Variants in ABLIM3 observed in about 807,000 individuals in gnomAD.
The protein encoded by ABLIM3 is actin binding LIM protein family member 3.
Under a neutral mutation model 109.5 loss-of-function variants are expected in ABLIM3, and 61 were observed. The ratio of observed to expected loss-of-function variants is 0.56; its 90% CI spans 0.45 to 0.69. The LOEUF is 0.69. ABLIM3 is among the 30% of genes least tolerant of loss of function. The pLI, the probability that ABLIM3 is intolerant of heterozygous loss-of-function variation, is 0.00. For missense variants in ABLIM3, 796 were observed against 889.5 expected, an observed-to-expected ratio of 0.89 and a Z score of 1.34; for synonymous variants, 300 against 324.8, an observed-to-expected ratio of 0.92 and a Z score of 0.82.
intron 9 of ABLIM3, 137 bp from the exon 10 acceptor site, chr5:149,233,092 A>T (rs1762016777): frequency 1.3e-6 from 1 of 757,788 alleles, no homozygotes; most frequent in Non-Finnish European, 2.2e-6. Flanking sequence ...AAGACAGAGA[A>T]TAAAAAGGAA....
At chr5:149,157,354 C>T (rs1443272347) in intron 2 of ABLIM3, among the ~76,000 whole-genome samples, 1 of 152,040 alleles carries the variant, frequency 6.6e-6, no homozygotes, top group East Asian at 1.9e-4. Context: ...CCTTTGCTCC[C>T]GATTCACATT....
Position 149,259,121 on chromosome 5 carries a change from C to T in ABLIM3, c.*717C>T. 2 of 1,017,106 alleles carry T rather than the reference C, an allele frequency of 2.0e-6. No individual in the cohort carries two copies. Among genetic ancestry groups the T allele is most frequent in the Non-Finnish European group, 1.2e-6 (1 of 849,544 alleles). 63.0% of individuals were successfully genotyped at this position (1,017,106 alleles called of 1,614,324 possible). On this transcript the variant is annotated 3_prime_UTR_variant, in exon 24 of 24. Transcript: ENST00000309868. ...TTCCCTCCACCACTTCCAACTGGCC[C>T]CTTTGCCTGACCTGGACTTGGAGAA...
intron 1 of ABLIM3, 170 bp downstream of exon 1, chr5:149,141,824 T>C (rs925786068): frequency 7.5e-6 from 4 of 530,678 alleles, no homozygotes; most frequent in African/African-American, 1.9e-5. Context: ...GGGATTCCAA[T>C]CTGAGGAGCA....
At chr5:149,178,477 C>T (rs1282319026) in intron 2 of ABLIM3, among the ~76,000 whole-genome samples, 2 of 152,166 alleles carry the variant, frequency 1.3e-5, no homozygotes, top group Non-Finnish European at 2.9e-5. Flanking sequence ...ACAGTTGTTA[C>T]GCTGTCTCCA....
At chr5:149,168,208 A>G (rs1428299779) in intron 2 of ABLIM3, among the ~76,000 whole-genome samples, 1 of 152,214 alleles carries the variant, frequency 6.6e-6, no homozygotes, top group African/African-American at 2.4e-5. Context: ...GTGGTAGCCC[A>G]GGTGAAAGAT....
intron 23 of ABLIM3, among the ~76,000 whole-genome samples, chr5:149,254,019 C>T (rs1049271343): frequency 3.3e-5 from 5 of 152,052 alleles, no homozygotes; most frequent in Non-Finnish European, 5.9e-5. Context: ...TACAGGGGAA[C>T]GCCCTTTATA....
chr5:149,237,677 T>A, intron 11 of ABLIM3, 74 bp downstream of exon 11: 1 of 1,577,674 alleles, frequency 6.3e-7, no homozygotes, highest in Non-Finnish European at 8.6e-7. Context: ...GCCCTCTCCA[T>A]CACAGACAGT....
intron 5 of ABLIM3, among the ~76,000 whole-genome samples, chr5:149,204,761 A>T (rs1272096196): frequency 2.0e-5 from 3 of 152,262 alleles, no homozygotes; most frequent in African/African-American, 7.2e-5. Flanking sequence ...GTCTGGGCTT[A>T]GAGAGCATAC....
At chr5:149,192,315 A>T (rs1299946136) in intron 3 of ABLIM3, among the ~76,000 whole-genome samples, 1 of 151,152 alleles carries the variant, frequency 6.6e-6, no homozygotes, top group Non-Finnish European at 1.5e-5. Flanking sequence ...TTAGTCTATA[A>T]TAAGGAGAAA....
At chr5:149,209,208 TA>T (rs1279828568) in intron 6 of ABLIM3, among the ~76,000 whole-genome samples, 5 of 152,200 alleles carry the variant, frequency 3.3e-5, no homozygotes. Flanking sequence ...CAGAGTTCTC[TA>T]GGGACTTAAG....
intron 5 of ABLIM3, among the ~76,000 whole-genome samples, chr5:149,202,469 C>T (rs545887819): frequency 2.0e-5 from 3 of 152,252 alleles, no homozygotes; most frequent in African/African-American, 7.2e-5. Flanking sequence ...CAAAGGTGGT[C>T]ACTATTCATG....
At chr5:149,155,581 C>A (rs1182967798) in intron 2 of ABLIM3, among the ~76,000 whole-genome samples, 1 of 152,104 alleles carries the variant, frequency 6.6e-6, no homozygotes, top group Non-Finnish European at 1.5e-5. Flanking sequence ...GGGCAGGGAA[C>A]AAACTTATGT....
intron 2 of ABLIM3, among the ~76,000 whole-genome samples, chr5:149,174,014 T>C (rs1581045977): frequency 9.7e-6 from 1 of 103,052 alleles, no homozygotes. Flanking sequence ...AGAGCGAGAC[T>C]CCGTCTCAAA....
intron 5 of ABLIM3, among the ~76,000 whole-genome samples, chr5:149,206,727 G>A (rs1032342365): frequency 3.3e-5 from 5 of 152,136 alleles, no homozygotes; most frequent in African/African-American, 1.2e-4. Context: ...TTTGAGGAGG[G>A]CTGGAAGCAG....
Position 149,198,518 on chromosome 5 carries a change from T to C in ABLIM3, c.335+116T>C. 1 of 1,282,138 alleles carries C rather than the reference T, an allele frequency of 7.8e-7. No homozygotes were observed. Among genetic ancestry groups the C allele is most frequent in the Non-Finnish European group, 1.1e-6 (1 of 951,396 alleles). 79.4% of individuals were successfully genotyped at this position (1,282,138 alleles called of 1,614,324 possible). On this transcript the variant is annotated intron_variant, in intron 4 of 23. Transcript: ENST00000309868. The surrounding 1 kb of genome is among the most constrained non-coding windows in gnomAD (Gnocchi z 4.2). ...ACAAGGTTTGTGCTGCACATTTAGA[T>C]TTCTGGAACCTCAGGTGTGGAGGGA... is the stretch of plus-strand genomic sequence containing the variant.
intron 9 of ABLIM3, 112 bp downstream of exon 9, chr5:149,230,819 C>A: frequency 1.7e-6 from 2 of 1,193,808 alleles, no homozygotes; most frequent in East Asian, 2.4e-5. Context: ...TGCACACTCC[C>A]AAATGTGTGC....
intron 8 of ABLIM3, among the ~76,000 whole-genome samples, chr5:149,225,317 C>G (rs1428743985): frequency 1.3e-5 from 2 of 152,158 alleles, no homozygotes; most frequent in African/African-American, 4.8e-5. Flanking sequence ...TTTCCCATTC[C>G]TCTGTCCCCG....
intron 2 of ABLIM3, among the ~76,000 whole-genome samples, chr5:149,155,087 A>G (rs1753765094): frequency 6.6e-6 from 1 of 152,232 alleles, no homozygotes; most frequent in Non-Finnish European, 1.5e-5. Context: ...ATTCAAAGGT[A>G]AATTGCCTGG....
chr5:149,257,826 C>T (rs1754569214), intron 23 of ABLIM3, among the ~76,000 whole-genome samples: 1 of 152,128 alleles, frequency 6.6e-6, no homozygotes, highest in African/African-American at 2.4e-5. Context: ...ATTGACTGGC[C>T]TGATGAACAG....
Sources: allele counts gnomAD v4.1 joint callset (sites outside exome capture counted in the v4.1 genomes callset), GRCh38; gene constraint gnomAD v4.1.1; non-coding constraint Gnocchi (gnomAD v3.1); transcripts MANE v1.5; gene names NCBI Gene and HGNC (gene_info 2026-07-23, HGNC 2026-07-21).